Variants in CMIP observed in about 807,000 individuals in gnomAD.
The protein encoded by CMIP is C-Maf-inducing protein.
A neutral mutation model predicts 97.3 loss-of-function variants in CMIP; 13 were observed. That is an observed-to-expected ratio of 0.13 (90% CI 0.09 to 0.21). The LOEUF (loss-of-function observed/expected upper bound fraction) is 0.21, where lower values mean the gene tolerates loss of function less well. Ranked by LOEUF, CMIP falls within the 10% of genes least tolerant of loss-of-function variation. The pLI, the probability that CMIP is intolerant of heterozygous loss-of-function variation, is 1.00. For missense variants in CMIP, 847 were observed against 1,024.9 expected (o/e 0.83, Z 2.37); for synonymous variants, 538 against 436.3 (o/e 1.23, Z -2.91).
chr16:81,691,827 C>A lies in CMIP; in HGVS notation c.1441C>A (p.Pro481Thr), dbSNP rs1490549638. The change falls in exon 11 of 21, where the codon CCA becomes ACA. Residue 481 changes from proline to threonine, a missense_variant. Coordinates refer to ENST00000537098, the MANE Select transcript of CMIP (RefSeq NM_198390.3). Reference sequence around the variant, plus strand: ...TCTGGCCAGTTTGCTTCAACCCATTCCATTCCCCAAAGAGTAAGTCCCGTG... The same window carrying A: ...TCTGGCCAGTTTGCTTCAACCCATTACATTCCCCAAAGAGTAAGTCCCGTG... ...PSLASLLQPI[P>T]FPKEALAHEK... is the part of the protein sequence containing the mutation. 4.3e-6 allele frequency: 7 copies of A among 1,613,734 alleles called. No individual in the cohort carries two copies. Among genetic ancestry groups the A allele is most frequent in the Non-Finnish European group, 8.5e-7 (1 of 1,179,666 alleles).
intron 1 of CMIP, among the ~76,000 whole-genome samples, chr16:81,461,282 A>G (rs1010419361): frequency 1.3e-5 from 2 of 152,198 alleles, no homozygotes; most frequent in African/African-American, 4.8e-5. Context: ...GGAAAATGTT[A>G]GCCTATTTTT....
intron 7 of CMIP, among the ~76,000 whole-genome samples, chr16:81,667,785 AGAGAGAGAGAGAGAGTGT>A (rs1441494104): frequency 7.2e-5 from 9 of 124,476 alleles, no homozygotes; most frequent in Admixed American, 4.2e-4. Context: ...AGAGAGAGAG[AGAGAGAGAGAGAGAGTGT>A]GTGTGTGTGT....
intron 1 of CMIP, among the ~76,000 whole-genome samples, chr16:81,473,441 C>CTT (rs1907681769): frequency 6.7e-6 from 1 of 150,270 alleles, no homozygotes. Flanking sequence ...TTGAATTTGT[C>CTT]TTTGTTGGTT....
chr16:81,458,632 A>G (rs934882441), intron 1 of CMIP, among the ~76,000 whole-genome samples: 3 of 152,158 alleles, frequency 2.0e-5, no homozygotes, highest in African/African-American at 7.2e-5. Context: ...TACGTCTTGC[A>G]GGGAGGTGGA....
chr16:81,520,791 C>A (rs1416519418), intron 1 of CMIP, among the ~76,000 whole-genome samples: 1 of 152,086 alleles, frequency 6.6e-6, no homozygotes, highest in Non-Finnish European at 1.5e-5. Flanking sequence ...AGCCTCATTC[C>A]TGTGTAAAAT....
intron 3 of CMIP, among the ~76,000 whole-genome samples, chr16:81,637,045 A>G (rs1162985635): frequency 6.6e-6 from 1 of 151,940 alleles, no homozygotes; most frequent in African/African-American, 2.4e-5. Flanking sequence ...TTCTCTATTG[A>G]TGGACATTTA....
chr16:81,461,223 G>A (rs2150738204), intron 1 of CMIP, among the ~76,000 whole-genome samples: 1 of 152,350 alleles, frequency 6.6e-6, no homozygotes, highest in Admixed American at 6.5e-5. Context: ...ATGAGGGGCT[G>A]GCTGGGCAGA....
intron 1 of CMIP, among the ~76,000 whole-genome samples, chr16:81,481,934 A>G (rs1382893665): frequency 2.7e-5 from 4 of 147,388 alleles, no homozygotes; most frequent in Non-Finnish European, 5.9e-5. Context: ...GCTGGAGTGC[A>G]GTGGCGCAAT....
intron 4 of CMIP, among the ~76,000 whole-genome samples, chr16:81,656,616 G>A (rs78021140): frequency 4.6e-5 from 7 of 152,128 alleles, no homozygotes; most frequent in African/African-American, 1.2e-4. Flanking sequence ...ATCTCTAATC[G>A]TGAAACCTGA....
chr16:81,518,767 G>A (rs77801921), intron 1 of CMIP: 14,083 of 151,986 alleles, frequency 0.093, 882 homozygotes, highest in East Asian at 0.35. Flanking sequence ...GGTGGCCGAG[G>A]CAGGAAGATC....
At chr16:81,490,216 C>T (rs2089383927) in intron 1 of CMIP, among the ~76,000 whole-genome samples, 2 of 152,212 alleles carry the variant, frequency 1.3e-5, no homozygotes, top group East Asian at 3.8e-4. Flanking sequence ...GTTTTCTGTG[C>T]TCCTACTGTG....
chr16:81,661,756 A>G (rs8048730), intron 6 of CMIP, among the ~76,000 whole-genome samples: 5,800 of 147,526 alleles, frequency 0.039, 384 homozygotes, highest in African/African-American at 0.14. Context: ...CCGGCCCCCC[A>G]CCCCTCACCC....
rs572634123 is a variant in CMIP, at chr16:81,649,395, C to T, written c.478-2808C>T. On this transcript the variant is annotated intron_variant, in intron 3 of 20. Transcript: ENST00000537098. ...TGAAACTGCGTTGGTGCCAGCGTTG[C>T]CCACTGGGCCCTGCTATGCCTCAGA... Among the ~76,000 whole-genome samples the T allele has an allele frequency of 2.0e-5, 3 of 152,360 alleles. No homozygotes were observed. The East Asian group carries it at 5.8e-4, about 29-fold the overall frequency.
intron 3 of CMIP, among the ~76,000 whole-genome samples, chr16:81,624,904 C>A (rs911917795): frequency 6.6e-6 from 1 of 152,210 alleles, no homozygotes; most frequent in East Asian, 1.9e-4. Flanking sequence ...CAGCTCAGAA[C>A]TTTGAGCTGT....
rs1245165710 is a variant in CMIP, at chr16:81,445,427, C to T, written c.186C>T (p.Val62=). 5.0e-6 allele frequency: 8 copies of T among 1,596,058 alleles called. No homozygotes were observed. In the East Asian group the frequency reaches 1.8e-4, roughly 36 times the overall value. The change falls in exon 1 of 21, where the codon GTC becomes GTT. Residue 62 remains valine (V), a synonymous_variant. Transcript: ENST00000537098. ...TGCTGCAGGAGGGCGACATTCAGGT[C>T]TGTGTCATCCGGCACCCGCGGACCT... ...YKLLQEGDIQ[V]CVIRHPRTFL... is the part of the protein sequence containing the mutation.
intron 1 of CMIP, among the ~76,000 whole-genome samples, chr16:81,473,442 T>C (rs879325353): frequency 2.6e-4 from 39 of 152,276 alleles, no homozygotes; most frequent in Admixed American, 4.6e-4. Flanking sequence ...TGAATTTGTC[T>C]TTGTTGGTTT....
At chr16:81,476,409 G>A (rs772301280) in intron 1 of CMIP, 80 of 1,076,232 alleles carry the variant, frequency 7.4e-5, no homozygotes, top group Non-Finnish European at 1.1e-4. Context: ...TGCTCAGAGC[G>A]TGAAAGTTTT....
intron 1 of CMIP, among the ~76,000 whole-genome samples, chr16:81,531,366 C>G (rs1440804616): frequency 1.3e-5 from 2 of 152,228 alleles, no homozygotes; most frequent in Non-Finnish European, 2.9e-5. Flanking sequence ...CTGTTGACAT[C>G]TTGACTTAGG....
chr16:81,446,186 C>G (rs1381651162), intron 1 of CMIP, among the ~76,000 whole-genome samples: 1 of 151,860 alleles, frequency 6.6e-6, no homozygotes, highest in African/African-American at 2.4e-5. Context: ...CAGGACCCAG[C>G]GGTGGTCGAG....
Sources: gnomAD v4.1 joint callset for allele counts (sites outside exome capture counted in the v4.1 genomes callset) on GRCh38, gnomAD v4.1.1 for gene constraint, MANE v1.5 for transcripts, NCBI Gene and HGNC (gene_info 2026-07-23, HGNC 2026-07-21) for gene names.